Variants in UBN2 observed in about 807,000 individuals in gnomAD.
UBN2 encodes the protein ubinuclein-2.
In UBN2, 35 loss-of-function variants were observed where a neutral mutation model predicts 120.2. That is an observed-to-expected ratio of 0.29 (90% CI 0.22 to 0.39). The LOEUF (loss-of-function observed/expected upper bound fraction) is 0.39, where lower values mean the gene tolerates loss of function less well. UBN2 is among the 10% of genes least tolerant of loss of function. The pLI is 1.00. For missense variants in UBN2, 1,693 were observed against 1,663.2 expected, an observed-to-expected ratio of 1.02 and a Z score of -0.31; for synonymous variants, 661 against 648.7, an observed-to-expected ratio of 1.02 and a Z score of -0.29.
At chr7:139,323,009 T>C in the UBN2 span, among the ~76,000 whole-genome samples, 53,373 of 152,022 alleles carry the variant, frequency 0.35, 11,869 homozygotes, top group African/African-American at 0.62. Flanking sequence ...GTCCAGCTTG[T>C]CTGTTTTGAG....
intron 17 of UBN2, among the ~76,000 whole-genome samples, chr7:139,295,088 C>CT (rs1175195798): frequency 0.017 from 2,370 of 137,502 alleles, 34 homozygotes; most frequent in East Asian, 0.042. Context: ...CTAGGCCTCA[C>CT]TTTTTTTTTT....
rs1438157994 is a variant in UBN2, at chr7:139,293,267, A to G, written c.3705A>G (p.Ser1235=). The G allele has an allele frequency of 1.9e-6, 3 of 1,614,188 alleles. No homozygotes were observed. The highest frequency in any genetic ancestry group is 3.3e-5 in the Admixed American group (2 of 60,024). ...GAGCATCATTATTGGCTAATGCCTCACCTCTGACTCTCATGACATCACCTT... is the reference window on the plus strand; with the variant it reads ...GAGCATCATTATTGGCTAATGCCTCGCCTCTGACTCTCATGACATCACCTT... ...TAGASLLANA[S]PLTLMTSPLS... The change falls in exon 16 of 18, where the codon TCA becomes TCG. Residue 1235 remains serine (S), a synonymous_variant. Coordinates refer to ENST00000473989, the MANE Select transcript of UBN2 (RefSeq NM_173569.4).
intron 6 of UBN2, among the ~76,000 whole-genome samples, chr7:139,262,006 A>G (rs770578331): frequency 6.8e-6 from 1 of 147,692 alleles, no homozygotes. Context: ...GATGGTCTCA[A>G]TCTCCTGACC....
At chr7:139,255,246 A>G (rs766438343) in intron 3 of UBN2, among the ~76,000 whole-genome samples, 1 of 152,132 alleles carries the variant, frequency 6.6e-6, no homozygotes, top group East Asian at 1.9e-4. Context: ...CTTTTATAGC[A>G]TTTAGGATAT....
intron 3 of UBN2, among the ~76,000 whole-genome samples, chr7:139,253,920 A>C (rs950140069): frequency 6.6e-6 from 1 of 152,226 alleles, no homozygotes; most frequent in Non-Finnish European, 1.5e-5. Context: ...AGTTGATGAC[A>C]GAACATATAA....
chr7:139,324,258 G>T, the UBN2 span, among the ~76,000 whole-genome samples: 5 of 152,276 alleles, frequency 3.3e-5, no homozygotes, highest in East Asian at 9.6e-4. Context: ...GCTTTAATGA[G>T]ACATTAACTG....
intron 7 of UBN2, among the ~76,000 whole-genome samples, 161 bp from the exon 8 acceptor site, chr7:139,269,232 GT>G (rs1204903631): frequency 6.6e-6 from 1 of 151,934 alleles, no homozygotes; most frequent in Admixed American, 6.6e-5. Flanking sequence ...TAAATAAACT[GT>G]TTATTGCTAT....
chr7:139,234,324 A>C (rs142871064), intron 1 of UBN2, among the ~76,000 whole-genome samples: 127 of 152,336 alleles, frequency 8.3e-4, no homozygotes, highest in African/African-American at 2.9e-3. Context: ...GGTGTGTTAC[A>C]TATGGATACC....
chr7:139,313,738 G>C, the UBN2 span, among the ~76,000 whole-genome samples: 1 of 151,950 alleles, frequency 6.6e-6, no homozygotes, highest in Non-Finnish European at 1.5e-5. Context: ...TAGTTTTTAT[G>C]AACTTAAGAA....
At chr7:139,327,906 A>T in the UBN2 span, among the ~76,000 whole-genome samples, 1 of 152,200 alleles carries the variant, frequency 6.6e-6, no homozygotes, top group South Asian at 2.1e-4. Context: ...CACAAGGAGA[A>T]TAACTGATAG....
At chr7:139,278,276 G>C (rs1436432179) in intron 12 of UBN2, among the ~76,000 whole-genome samples, 1 of 150,380 alleles carries the variant, frequency 6.6e-6, no homozygotes, top group Non-Finnish European at 1.5e-5. Flanking sequence ...CCATCTCCCA[G>C]GTTCAGGCAA....
intron 1 of UBN2, among the ~76,000 whole-genome samples, 180 bp downstream of exon 1, chr7:139,232,132 C>T (rs928589990): frequency 6.6e-6 from 1 of 152,198 alleles, no homozygotes; most frequent in Non-Finnish European, 1.5e-5. Context: ...CTCCACTCCC[C>T]AGGGTGGCCG....
intron 8 of UBN2, among the ~76,000 whole-genome samples, chr7:139,270,233 C>T (rs909684865): frequency 6.6e-6 from 1 of 151,428 alleles, no homozygotes; most frequent in African/African-American, 2.4e-5. Context: ...ATATTGTGCA[C>T]CTGAGATTCA....
chr7:139,245,450 C>A (rs1043109765), intron 2 of UBN2, among the ~76,000 whole-genome samples: 13 of 152,118 alleles, frequency 8.5e-5, no homozygotes, highest in African/African-American at 3.1e-4. Flanking sequence ...ACTTATTTAA[C>A]AATACTAATC....
chr7:139,311,273 C>G (rs577059368), downstream of UBN2, among the ~76,000 whole-genome samples: 38 of 152,344 alleles, frequency 2.5e-4, no homozygotes, highest in African/African-American at 8.7e-4. Flanking sequence ...GTCCGTTCTT[C>G]AGAAAACATC....
chr7:139,287,098 C>T (rs1797812866), intron 15 of UBN2, among the ~76,000 whole-genome samples: 1 of 151,686 alleles, frequency 6.6e-6, no homozygotes, highest in African/African-American at 2.4e-5. Flanking sequence ...TAAAGGCCTT[C>T]CCTTATGAAA....
In UBN2 at chr7:139,231,785, C is replaced by G; in HGVS notation, c.301C>G (p.Pro101Ala). 7.3e-7 allele frequency: 1 copy of G among 1,369,330 alleles called. No individual in the cohort carries two copies. 84.8% of individuals were successfully genotyped at this position (1,369,330 alleles called of 1,614,324 possible). A position where few individuals can be genotyped will look rare whatever the true frequency, so the allele number is the denominator to read the frequency against. ...GCCCGAGCCGCCGCCGCCGTTCCCG[C>G]CGCTGCCCTTGCAGCCGCCCCCGCC... ...PRPEPPPPFP[P>A]LPLQPPPPRE... is the part of the protein sequence containing the mutation. Residue 101 changes from proline (P) to alanine (A), a missense_variant, in exon 1 of 18, where the codon CCG becomes GCG. Physicochemically the swap from Pro to Ala is conservative, Grantham distance 27 (BLOSUM62 -1). Coordinates refer to ENST00000473989, the MANE Select transcript of UBN2 (RefSeq NM_173569.4).
In UBN2 at chr7:139,261,554, T is replaced by C; in HGVS notation, c.1208T>C (p.Leu403Pro). 1 of 1,614,166 alleles carries C rather than the reference T, an allele frequency of 6.2e-7. No individual in the cohort carries two copies. Among genetic ancestry groups the C allele is most frequent in the Non-Finnish European group, 8.5e-7 (1 of 1,180,028 alleles). The change falls in exon 6 of 18, where the codon CTA becomes CCA. Residue 403 changes from leucine to proline, a missense_variant. Leu to Pro is a moderately conservative substitution (Grantham distance 98). Coordinates refer to ENST00000473989, the MANE Select transcript of UBN2 (RefSeq NM_173569.4). ...FQEAENALEM[L>P]DDFDFDRLLD... ...GAAGCTGAAAATGCCCTAGAGATGC[T>C]AGATGATTTTGACTTCGACAGATTA...
intron 13 of UBN2, among the ~76,000 whole-genome samples, chr7:139,280,403 A>G (rs1797571879): frequency 6.6e-6 from 1 of 152,248 alleles, no homozygotes; most frequent in Admixed American, 6.5e-5. Flanking sequence ...TATAACCTCT[A>G]GAAGTAAAAA....
Sources: allele counts gnomAD v4.1 joint callset (sites outside exome capture counted in the v4.1 genomes callset), GRCh38; gene constraint gnomAD v4.1.1; transcripts MANE v1.5; gene names NCBI Gene and HGNC (gene_info 2026-07-23, HGNC 2026-07-21).